The following RABGAP1L variants were observed in gnomAD, a reference collection of about 807,000 sequenced individuals.
RABGAP1L encodes the protein RAB GTPase activating protein 1 like, also known as rab GTPase-activating protein 1-like.
A neutral mutation model predicts 137.7 loss-of-function variants in RABGAP1L; 63 were observed. The observed-to-expected ratio is 0.46, with a 90% CI of 0.37 to 0.56. RABGAP1L has a LOEUF of 0.56. Ranked by LOEUF, RABGAP1L falls within the 20% of genes least tolerant of loss-of-function variation. The pLI, the probability that RABGAP1L is intolerant of heterozygous loss-of-function variation, is 0.00. For synonymous variants in RABGAP1L, 431 were observed against 433.7 expected, an observed-to-expected ratio of 0.99 and a Z score of 0.08; for missense variants, 1,095 against 1,244.0, an observed-to-expected ratio of 0.88 and a Z score of 1.80.
chr1:174,637,784 A>G (rs1674184304), intron 14 of RABGAP1L, among the ~76,000 whole-genome samples: 1 of 152,212 alleles, frequency 6.6e-6, no homozygotes, highest in Non-Finnish European at 1.5e-5. Context: ...AAAGAGTCCT[A>G]GATGACTCTG....
intron 1 of RABGAP1L, among the ~76,000 whole-genome samples, chr1:174,162,700 C>T (rs144744823): frequency 5.6e-4 from 82 of 146,786 alleles, no homozygotes; most frequent in South Asian, 2.6e-3. Flanking sequence ...ATGGGTCAGC[C>T]GTTGAGTCTG....
intron 23 of RABGAP1L, among the ~76,000 whole-genome samples, chr1:174,982,255 G>T (rs1671201664): frequency 6.6e-6 from 1 of 151,972 alleles, no homozygotes; most frequent in Non-Finnish European, 1.5e-5. Flanking sequence ...CCTACATTAG[G>T]TATTTCTCCT....
At chr1:174,730,378 T>G (rs1682362408) in intron 17 of RABGAP1L, among the ~76,000 whole-genome samples, 1 of 152,180 alleles carries the variant, frequency 6.6e-6, no homozygotes. Flanking sequence ...GCTCAGTACC[T>G]GGGTGATGGG....
chr1:174,521,108 A>G (rs1300602625), intron 13 of RABGAP1L, among the ~76,000 whole-genome samples: 1 of 152,254 alleles, frequency 6.6e-6, no homozygotes, highest in Non-Finnish European at 1.5e-5. Context: ...GAGTTATGAT[A>G]GTGGCTAATA....
intron 19 of RABGAP1L, among the ~76,000 whole-genome samples, chr1:174,833,422 G>GTGTA (rs1390901365): frequency 6.1e-5 from 5 of 81,456 alleles, no homozygotes; most frequent in African/African-American, 1.8e-4. Context: ...GTGTGTGTGT[G>GTGTA]TATATATATA....
At chr1:174,389,149 A>G (rs12082017) in intron 12 of RABGAP1L, among the ~76,000 whole-genome samples, 9,544 of 152,042 alleles carry the variant, frequency 0.063, 975 homozygotes, top group African/African-American at 0.21. Flanking sequence ...CCTTTAATCT[A>G]TCCTTTTTCT....
rs1372499097 is a variant in RABGAP1L, at chr1:174,991,902, G to C, written c.*1901G>C. On this transcript the variant is annotated 3_prime_UTR_variant, in exon 26 of 26. Coordinates refer to ENST00000681986, the MANE Select transcript of RABGAP1L (RefSeq NM_001366446.1). ...TTACGCTTTGATTCCAAGAAGCCTT[G>C]TGCAGTTGCCTTATCAAATGGCCAG... 2.6e-5 allele frequency: 4 copies of C among 151,270 alleles called. No homozygotes were observed. Among genetic ancestry groups the C allele is most frequent in the African/African-American group, 9.7e-5 (4 of 41,116 alleles). The allele number at this position is 151,270 out of a possible 1,614,324, so 9.4% of individuals were successfully genotyped here.
intron 20 of RABGAP1L, among the ~76,000 whole-genome samples, chr1:174,966,512 G>T (rs747305420): frequency 6.6e-6 from 1 of 152,056 alleles, no homozygotes; most frequent in Non-Finnish European, 1.5e-5. Context: ...TCCATGAAAA[G>T]GAGTAATAGA....
rs1000955465 is a variant in RABGAP1L, at chr1:174,332,118, A to G, written c.1465+26991A>G. 2.6e-5 allele frequency among the ~76,000 whole-genome samples: 4 copies of G among 152,322 alleles called. No homozygotes were observed. The East Asian group carries it at 5.8e-4, about 22-fold the overall frequency. ...AGCATGGTAAAGTTAGTATTTCATT[A>G]TATAGGTGTGACAGCTGGCACCCAG... On this transcript the variant is annotated intron_variant, in intron 11 of 25. Coordinates refer to ENST00000681986, the MANE Select transcript of RABGAP1L (RefSeq NM_001366446.1).
At chr1:174,608,044 C>T (rs1265875667) in intron 13 of RABGAP1L, among the ~76,000 whole-genome samples, 3 of 152,110 alleles carry the variant, frequency 2.0e-5, no homozygotes. Flanking sequence ...TAACATTCTG[C>T]CTTACAATGG....
intron 10 of RABGAP1L, among the ~76,000 whole-genome samples, chr1:174,291,430 G>C (rs1676597019): frequency 6.6e-6 from 1 of 151,658 alleles, no homozygotes; most frequent in African/African-American, 2.4e-5. Flanking sequence ...TTCTTATAAT[G>C]TCTTTGTTGG....
chr1:174,856,428 G>A (rs550429460), intron 19 of RABGAP1L, among the ~76,000 whole-genome samples: 87 of 149,030 alleles, frequency 5.8e-4, no homozygotes, highest in African/African-American at 1.9e-3. Context: ...AGAAAAGAAA[G>A]TAAGACAACT....
In RABGAP1L at chr1:174,219,166, C is replaced by G. The variant is rs1466652345; in HGVS notation, c.9C>G (p.Val3=). The G allele has an allele frequency of 6.3e-7, 1 of 1,597,126 alleles. No homozygotes were observed. The highest frequency in any genetic ancestry group is 1.2e-5 in the South Asian group (1 of 86,464). ...AAGTTTGCAGAACTGAAATGGAGGT[C>G]AGAGCTTCATTACAGAAGGTTAGTG... ME[V]RASLQKVSGS... The change falls in exon 2 of 26, where the codon GTC becomes GTG. Residue 3 remains valine (V), a synonymous_variant. Transcript: ENST00000681986.
chr1:174,254,639 C>T (rs1672970523), intron 7 of RABGAP1L, among the ~76,000 whole-genome samples: 2 of 152,164 alleles, frequency 1.3e-5, no homozygotes, highest in South Asian at 4.1e-4. Flanking sequence ...TTTCCAGCTT[C>T]ATCTATGTCC....
At chr1:174,800,398 G>A in intron 18 of RABGAP1L, 2 of 1,550,720 alleles carry the variant, frequency 1.3e-6, no homozygotes, top group Non-Finnish European at 8.7e-7. Context: ...AAAAGTCCCA[G>A]GACATGCACG....
At chr1:174,593,196 G>A (rs1669729725) in intron 13 of RABGAP1L, among the ~76,000 whole-genome samples, 1 of 81,604 alleles carries the variant, frequency 1.2e-5, no homozygotes, top group Non-Finnish European at 2.2e-5. Context: ...GATCTGTGGT[G>A]ATATCCCCTT....
At chr1:174,888,544 C>CT (rs1655568356) in intron 19 of RABGAP1L, among the ~76,000 whole-genome samples, 2 of 152,106 alleles carry the variant, frequency 1.3e-5, no homozygotes, top group African/African-American at 4.8e-5. Flanking sequence ...CCTATGTCAG[C>CT]TTTTTTTATT....
At chr1:174,673,086 G>A (rs1427456257) in intron 14 of RABGAP1L, among the ~76,000 whole-genome samples, 1 of 151,968 alleles carries the variant, frequency 6.6e-6, no homozygotes, top group Non-Finnish European at 1.5e-5. Flanking sequence ...GAGTGTATGA[G>A]GGTTCCCTTT....
intron 18 of RABGAP1L, among the ~76,000 whole-genome samples, chr1:174,797,773 A>C (rs1232327815): frequency 2.0e-5 from 3 of 151,710 alleles, no homozygotes; most frequent in Non-Finnish European, 4.4e-5. Context: ...TGAAAGGCCC[A>C]GAACCTTTTC....
Sources: allele counts gnomAD v4.1 joint callset (sites outside exome capture counted in the v4.1 genomes callset), GRCh38; gene constraint gnomAD v4.1.1; transcripts MANE v1.5; gene names NCBI Gene and HGNC (gene_info 2026-07-23, HGNC 2026-07-21).